Variants in NUP98 observed in about 807,000 individuals in gnomAD.
NUP98 encodes the protein nucleoporin 98 and 96 precursor.
In NUP98, 26 loss-of-function variants were observed where a neutral mutation model predicts 191.9. The observed-to-expected ratio is 0.14, with a 90% CI of 0.10 to 0.19. NUP98 has a LOEUF of 0.19. Ranked by LOEUF, NUP98 falls within the 10% of genes least tolerant of loss-of-function variation. The pLI is 1.00. For missense variants in NUP98, 1,941 were observed against 2,178.8 expected (o/e 0.89, Z 2.17); for synonymous variants, 808 against 778.4 (o/e 1.04, Z -0.63).
chr11:3,756,080 A>C (rs1173456568), intron 10 of NUP98, among the ~76,000 whole-genome samples: 1 of 152,198 alleles, frequency 6.6e-6, no homozygotes, highest in Non-Finnish European at 1.5e-5. Context: ...ATGCCACAAA[A>C]ATGGGGTGCT....
At chr11:3,789,161 C>G (rs981912151) in intron 1 of NUP98, among the ~76,000 whole-genome samples, 5 of 152,166 alleles carry the variant, frequency 3.3e-5, no homozygotes, top group African/African-American at 4.8e-5. Context: ...AAAGCTGCCT[C>G]AAACTAGAGC....
At chr11:3,751,112 A>G (rs1451109229) in intron 11 of NUP98, among the ~76,000 whole-genome samples, 1 of 152,104 alleles carries the variant, frequency 6.6e-6, no homozygotes, top group Non-Finnish European at 1.5e-5. Flanking sequence ...TAATCCCAGC[A>G]CTTTGGGAGG....
At chr11:3,758,779 C>G (rs1005978411) in intron 10 of NUP98, among the ~76,000 whole-genome samples, 1 of 151,612 alleles carries the variant, frequency 6.6e-6, no homozygotes, top group East Asian at 1.9e-4. Flanking sequence ...GGGAGAGAGA[C>G]AGAGAGAGAC....
chr11:3,748,335 G>GCAGGAGGATCACGAGGT (rs1417790692), intron 11 of NUP98, among the ~76,000 whole-genome samples: 12 of 152,212 alleles, frequency 7.9e-5, no homozygotes, highest in Non-Finnish European at 1.5e-4. Context: ...GAAGGCCGAG[G>GCAGGAGGATCACGAGGT]CAGGAGGATC....
intron 10 of NUP98, among the ~76,000 whole-genome samples, chr11:3,758,379 A>G (rs966124281): frequency 6.6e-6 from 1 of 152,202 alleles, no homozygotes; most frequent in Non-Finnish European, 1.5e-5. Context: ...GTACAACTTA[A>G]AAATGAAAAA....
chr11:3,768,751 G>T lies in NUP98; in HGVS notation c.785-7C>A, dbSNP rs2081421076. 2 of 1,469,644 alleles carry T rather than the reference G, an allele frequency of 1.4e-6. No individual in the cohort carries two copies. Among genetic ancestry groups the T allele is most frequent in the African/African-American group, 1.6e-5 (1 of 62,056 alleles). 91.0% of individuals were successfully genotyped at this position (1,469,644 alleles called of 1,614,324 possible). ...GTTCCAAATCCAGTTGTACCTTTTA[G>T]GAAAAAGAAAAAAAAAAGAAAAAAG... On this transcript the variant is annotated splice_polypyrimidine_tract_variant and splice_region_variant and intron_variant, in intron 7 of 32. Coordinates refer to ENST00000324932, the MANE Select transcript of NUP98 (RefSeq NM_016320.5).
chr11:3,754,450 A>G (rs1422517818), intron 10 of NUP98, among the ~76,000 whole-genome samples: 2 of 152,168 alleles, frequency 1.3e-5, no homozygotes, highest in African/African-American at 4.8e-5. Context: ...AAATAAAAAT[A>G]AAACAATCAA....
At chr11:3,708,762 G>A (rs920234444) in intron 20 of NUP98, among the ~76,000 whole-genome samples, 2 of 151,552 alleles carry the variant, frequency 1.3e-5, no homozygotes, top group East Asian at 1.9e-4. Context: ...AAGTAACTGA[G>A]GAAAGGGAAG....
At chr11:3,717,376 T>C (rs1315073063) in intron 18 of NUP98, among the ~76,000 whole-genome samples, 2 of 152,244 alleles carry the variant, frequency 1.3e-5, no homozygotes, top group African/African-American at 4.8e-5. Flanking sequence ...CTTTCAACCA[T>C]GTTTTGCAGT....
At chr11:3,721,463 C>T (rs1166486281) in intron 16 of NUP98, among the ~76,000 whole-genome samples, 2 of 152,084 alleles carry the variant, frequency 1.3e-5, no homozygotes, top group Admixed American at 6.6e-5. Context: ...TTTGGGAGGC[C>T]GGGGTGAGTA....
At chr11:3,706,303 T>C in intron 21 of NUP98, 142 bp downstream of exon 21, 1 of 696,426 alleles carries the variant, frequency 1.4e-6, no homozygotes, top group Non-Finnish European at 2.5e-6. Context: ...GCCCAGACAT[T>C]GGCCATATTC....
rs981979870 is a variant in NUP98 at position 3,723,877 on chromosome 11, A to G, written c.1848-422T>C. 5.3e-5 allele frequency among the ~76,000 whole-genome samples: 8 copies of G among 150,486 alleles called. No homozygotes were observed. In the East Asian group the frequency reaches 1.6e-3, roughly 29 times the overall value. The stretch of plus-strand genomic sequence containing the variant: ...GATACAGCCCTCAGGAGGCCCTGAG[A>G]ACTTGTGCCAGTATATAAGGATTTT... On this transcript the variant is annotated intron_variant, in intron 15 of 32. Transcript: ENST00000324932.
chr11:3,744,489 C>A lies in NUP98; in HGVS notation c.1408+20G>T. The A allele has an allele frequency of 6.3e-7, 1 of 1,586,462 alleles. No individual in the cohort carries two copies. The highest frequency in any genetic ancestry group is 1.2e-5 in the South Asian group (1 of 86,638). On this transcript the variant is annotated intron_variant, in intron 12 of 32. Transcript: ENST00000324932. ...TTAGCAAAAAATTAAGAAAAGCCTT[C>A]TAAAGTGACTGACACTTACCTACTG...
In NUP98 at chr11:3,723,301, C is replaced by T. The variant is rs753414508; in HGVS notation, c.2002G>A (p.Asp668Asn). Residue 668 changes from aspartate to asparagine, a missense_variant, in exon 16 of 33, where the codon GAT becomes AAT. Transcript: ENST00000324932. ...ATGTTTAATGCAACAATGGTATCAT[C>T]CACACTGTTGCTGTTGCTGTGTTTA... Reference protein sequence around the residue: ...GNKHSNSNSVDDTIVALNMRA... With the variant: ...GNKHSNSNSVNDTIVALNMRA... The T allele has an allele frequency of 1.2e-4, 198 of 1,614,160 alleles. 1 individual carries two copies. Among genetic ancestry groups the T allele is most frequent in the South Asian group, 1.0e-3 (95 of 91,078 alleles).
At chr11:3,767,083 G>C (rs2081363623) in intron 8 of NUP98, among the ~76,000 whole-genome samples, 1 of 152,110 alleles carries the variant, frequency 6.6e-6, no homozygotes, top group African/African-American at 2.4e-5. Context: ...TCCTGCCTCA[G>C]CCTCCTGCGT....
chr11:3,775,858 C>T, intron 5 of NUP98, 24 bp downstream of exon 5: 2 of 1,600,482 alleles, frequency 1.2e-6, no homozygotes, highest in Non-Finnish European at 8.5e-7. Flanking sequence ...AAACATTCCA[C>T]AAAGATTGGA....
chr11:3,700,955 A>G (rs1252634331), intron 23 of NUP98, 116 bp from the exon 24 acceptor site: 1 of 729,076 alleles, frequency 1.4e-6, no homozygotes, highest in African/African-American at 1.8e-5. Flanking sequence ...CAAACATTTC[A>G]CTGTAGTTTT....
intron 10 of NUP98, among the ~76,000 whole-genome samples, chr11:3,756,456 C>CA (rs201144917): frequency 0.014 from 2,139 of 150,906 alleles, 24 homozygotes; most frequent in Non-Finnish European, 0.022. Context: ...ATTCGCACAC[C>CA]AAAAAAAAAC....
At chr11:3,741,846 A>C (rs919126710) in intron 12 of NUP98, among the ~76,000 whole-genome samples, 4 of 152,208 alleles carry the variant, frequency 2.6e-5, no homozygotes, top group East Asian at 3.8e-4. Flanking sequence ...AAGAAGGAAG[A>C]CAGTCGATGT....
Sources: allele counts gnomAD v4.1 joint callset (sites outside exome capture counted in the v4.1 genomes callset), GRCh38; gene constraint gnomAD v4.1.1; transcripts MANE v1.5; gene names NCBI Gene and HGNC (gene_info 2026-07-23, HGNC 2026-07-21).